Variants in FGF14 observed in about 807,000 individuals in gnomAD.
FGF14 encodes the protein fibroblast growth factor homologous factor 4.
Under a neutral mutation model 25.5 loss-of-function variants are expected in FGF14, and 5 were observed. The observed-to-expected ratio is 0.20, with a 90% confidence interval of 0.10 to 0.41. The LOEUF (loss-of-function observed/expected upper bound fraction) is 0.41, where lower values mean the gene tolerates loss of function less well. Among genes scored for constraint, FGF14 ranks in the 10% least tolerant of loss-of-function variants. The probability of loss-of-function intolerance (pLI) is 1.00; values close to 1 mark genes in which losing one functional copy is unlikely to be tolerated. For synonymous variants in FGF14, 138 were observed against 118.3 expected (o/e 1.17, Z -1.08); for missense variants, 222 against 320.1 (o/e 0.69, Z 2.34).
chr13:101,876,593 A>G (rs917316979), intron 1 of FGF14, among the ~76,000 whole-genome samples: 10 of 152,172 alleles, frequency 6.6e-5, no homozygotes, highest in African/African-American at 2.4e-4. Context: ...ATGGTATAAT[A>G]TTGGAAAAAT....
At chr13:102,049,089 A>G (rs916766233) in intron 1 of FGF14, among the ~76,000 whole-genome samples, 5 of 152,082 alleles carry the variant, frequency 3.3e-5, no homozygotes, top group Non-Finnish European at 7.3e-5. Flanking sequence ...CAATAGTCAA[A>G]GAAACTTCAA....
chr13:101,836,734 G>C (rs1315672444), intron 3 of FGF14, among the ~76,000 whole-genome samples: 2 of 151,902 alleles, frequency 1.3e-5, no homozygotes, highest in African/African-American at 4.8e-5. Context: ...TTAATTTCTA[G>C]TATTTATGAT....
In FGF14 at chr13:102,242,094, G is replaced by T. The variant is rs1566854169; in HGVS notation, c.208+159377C>A. ...AAGCATTGTATAATGAGCCTCATCA[G>T]AGTAACCTAGTTTGGGAGGCTAAAA... On this transcript the variant is annotated intron_variant, in intron 1 of 4. Coordinates refer to the FGF14 transcript ENST00000376131. 2.6e-5 allele frequency among the ~76,000 whole-genome samples: 4 copies of T among 152,066 alleles called. No individual in the cohort carries two copies. The South Asian group carries it at 8.3e-4, about 31-fold the overall frequency.
chr13:101,968,689 A>AAAAAAAAC (rs1420415844), intron 1 of FGF14, among the ~76,000 whole-genome samples: 2 of 151,638 alleles, frequency 1.3e-5, no homozygotes, highest in Non-Finnish European at 2.9e-5. Flanking sequence ...AAAAAAAAAA[A>AAAAAAAAC]ACCTCAATAT....
At chr13:102,369,700 C>G (rs769641563) in intron 1 of FGF14, among the ~76,000 whole-genome samples, 14 of 152,100 alleles carry the variant, frequency 9.2e-5, no homozygotes, top group Non-Finnish European at 1.9e-4. Context: ...CCATGTAAAA[C>G]TCGACTCACA....
chr13:101,920,544 C>T (rs757669337), upstream of FGF14, among the ~76,000 whole-genome samples: 7 of 152,130 alleles, frequency 4.6e-5, no homozygotes, highest in Non-Finnish European at 1.0e-4. Context: ...CTGGTGCACC[C>T]TAATTGAAAA....
At chr13:102,085,640 T>C (rs2043860603) in intron 1 of FGF14, among the ~76,000 whole-genome samples, 1 of 152,254 alleles carries the variant, frequency 6.6e-6, no homozygotes, top group African/African-American at 2.4e-5. Flanking sequence ...CAATGTATTA[T>C]CCTGGGGAGT....
At position 102,264,452 on chromosome 13, in the gene FGF14, C is replaced by T. The variant is rs1053535609; in HGVS notation, c.208+137019G>A. ...TGATTGAGTTATATGGCTATTAGAT[C>T]GTCTGTGTTTTTTCTAGTACAATAC... On this transcript the variant is annotated intron_variant, in intron 1 of 4. Coordinates refer to the FGF14 transcript ENST00000376131. 2.4e-4 allele frequency among the ~76,000 whole-genome samples: 37 copies of T among 152,088 alleles called. 1 individual carries two copies. Among genetic ancestry groups the T allele is most frequent in the Admixed American group, 1.6e-3 (25 of 15,254 alleles).
At chr13:102,124,742 AGCATCTCTG>A (rs1308894958) in intron 1 of FGF14, among the ~76,000 whole-genome samples, 1 of 152,016 alleles carries the variant, frequency 6.6e-6, no homozygotes, top group East Asian at 1.9e-4. Context: ...GTCTTTCTCT[AGCATCTCTG>A]GCTTGTTCTT....
intron 1 of FGF14, among the ~76,000 whole-genome samples, chr13:101,887,267 G>A (rs1394316742): frequency 6.6e-6 from 1 of 151,654 alleles, no homozygotes; most frequent in East Asian, 1.9e-4. Flanking sequence ...GGGGGTCAAT[G>A]TCCATCAATG....
chr13:101,869,244 A>G (rs970485286), intron 2 of FGF14, among the ~76,000 whole-genome samples: 3 of 152,210 alleles, frequency 2.0e-5, no homozygotes, highest in Non-Finnish European at 4.4e-5. Context: ...CATTGCAATG[A>G]GGTCAGGCCA....
At chr13:102,139,175 T>C (rs1206323430) in intron 1 of FGF14, among the ~76,000 whole-genome samples, 1 of 152,136 alleles carries the variant, frequency 6.6e-6, no homozygotes, top group Non-Finnish European at 1.5e-5. Context: ...GTCTTCCACA[T>C]TGGAGCTCGG....
chr13:102,048,502 C>G (rs1402024636), intron 1 of FGF14, among the ~76,000 whole-genome samples: 2 of 152,138 alleles, frequency 1.3e-5, no homozygotes, highest in African/African-American at 4.8e-5. Flanking sequence ...GTCGGAGTCA[C>G]TTAAGGCTTA....
At chr13:102,265,577 T>C (rs976127264) in intron 1 of FGF14, among the ~76,000 whole-genome samples, 1 of 152,160 alleles carries the variant, frequency 6.6e-6, no homozygotes, top group Non-Finnish European at 1.5e-5. Context: ...TGCATTAGAA[T>C]TGGTAACATT....
intron 1 of FGF14, among the ~76,000 whole-genome samples, chr13:102,244,888 T>C (rs937208204): frequency 2.0e-5 from 3 of 152,044 alleles, no homozygotes. Flanking sequence ...TTAATGTGTT[T>C]AAACCCGGAA....
chr13:102,185,891 G>A (rs979501894), intron 1 of FGF14, among the ~76,000 whole-genome samples: 3 of 152,174 alleles, frequency 2.0e-5, no homozygotes, highest in Admixed American at 6.5e-5. Context: ...TGAAGTCACT[G>A]TTTAACCCTT....
chr13:102,241,852 TA>T (rs749955774), intron 1 of FGF14, among the ~76,000 whole-genome samples: 1 of 152,152 alleles, frequency 6.6e-6, no homozygotes, highest in Non-Finnish European at 1.5e-5. Context: ...GTCTTATTTT[TA>T]GTTAGGAAAT....
At chr13:101,725,873 T>C (rs2035384904) in intron 4 of FGF14, among the ~76,000 whole-genome samples, 1 of 152,040 alleles carries the variant, frequency 6.6e-6, no homozygotes, top group African/African-American at 2.4e-5. Context: ...GAATCATTAA[T>C]GAGAGAGGTG....
intron 1 of FGF14, among the ~76,000 whole-genome samples, chr13:101,905,928 C>T (rs1271360552): frequency 2.0e-5 from 3 of 152,250 alleles, no homozygotes; most frequent in East Asian, 1.9e-4. Flanking sequence ...TTCCTCTCAT[C>T]CATGAAATGA....
Sources: gnomAD v4.1 joint callset for allele counts (sites outside exome capture counted in the v4.1 genomes callset) on GRCh38, gnomAD v4.1.1 for gene constraint, MANE v1.5 for transcripts, NCBI Gene and HGNC (gene_info 2026-07-23, HGNC 2026-07-21) for gene names.